The following MAP4 variants were observed in gnomAD, a reference collection of about 807,000 sequenced individuals.
The protein encoded by MAP4 is microtubule-associated protein 4.
In MAP4, 76 loss-of-function variants were observed where a neutral mutation model predicts 170.2. The ratio of observed to expected loss-of-function variants is 0.45; its 90% confidence interval spans 0.37 to 0.54. The LOEUF (loss-of-function observed/expected upper bound fraction) is 0.54. Among genes scored for constraint, MAP4 ranks in the 20% least tolerant of loss-of-function variants. MAP4 has a pLI of 0.00. For synonymous variants in MAP4, 909 were observed against 994.5 expected (o/e 0.91, Z 1.62); for missense variants, 2,506 against 2,748.0 (o/e 0.91, Z 1.97).
Position 48,005,531 on chromosome 3 carries a change from C to T in MAP4, c.-19-6652G>A, listed in dbSNP as rs568696551. On this transcript the variant is annotated intron_variant, in intron 1 of 20. Transcript: ENST00000683076. ...GGACTCTGCATTTAATGTTGCAGCTCGGGGAGTTAAAATAAGGTTCTAATA... is the reference window on the plus strand; with the variant it reads ...GGACTCTGCATTTAATGTTGCAGCTTGGGGAGTTAAAATAAGGTTCTAATA... 6.5e-4 allele frequency among the ~76,000 whole-genome samples: 99 copies of T among 152,046 alleles called. 1 individual carries two copies. Among genetic ancestry groups the T allele is most frequent in the Non-Finnish European group, 1.2e-3 (80 of 67,988 alleles).
In MAP4 at chr3:47,852,625, C is replaced by T; in HGVS notation, c.*309G>A. On this transcript the variant is annotated 3_prime_UTR_variant, in exon 21 of 21. Coordinates refer to ENST00000683076, the MANE Select transcript of MAP4 (RefSeq NM_001385682.1). The stretch of plus-strand genomic sequence containing the variant: ...ACCCCAACCCCCTCCCAACCTCCTC[C>T]ACGGAGCAGTGGCGCAGTGATGGGG... 2 of 955,230 alleles carry T rather than the reference C, an allele frequency of 2.1e-6. No homozygotes were observed. Among genetic ancestry groups the T allele is most frequent in the Non-Finnish European group, 1.5e-6 (1 of 665,886 alleles). 59.2% of individuals were successfully genotyped at this position (955,230 alleles called of 1,614,324 possible).
At chr3:47,941,031 C>T (rs1027671013) in intron 3 of MAP4, among the ~76,000 whole-genome samples, 2 of 151,820 alleles carry the variant, frequency 1.3e-5, no homozygotes, top group African/African-American at 4.8e-5. Context: ...GCAGCCACCA[C>T]CACACTTGGC....
At chr3:48,000,221 C>CAAAAAAAAA (rs530513032) in intron 1 of MAP4, among the ~76,000 whole-genome samples, 1 of 79,896 alleles carries the variant, frequency 1.3e-5, no homozygotes, top group African/African-American at 6.0e-5. Context: ...ACTCCCCCAT[C>CAAAAAAAAA]AAAAAAAAAA....
chr3:48,085,634 C>T (rs1411537867), intron 1 of MAP4, among the ~76,000 whole-genome samples: 1 of 152,120 alleles, frequency 6.6e-6, no homozygotes, highest in African/African-American at 2.4e-5. Context: ...ATTAAAATAC[C>T]CGTAAGGCCA....
At chr3:48,078,311 A>ATTT (rs758589017) in intron 1 of MAP4, among the ~76,000 whole-genome samples, 4 of 125,234 alleles carry the variant, frequency 3.2e-5, no homozygotes, top group Non-Finnish European at 5.0e-5. Context: ...TGCCTGGCTA[A>ATTT]TTTTTTTTTT....
intron 3 of MAP4, among the ~76,000 whole-genome samples, chr3:47,934,475 T>C (rs1370830462): frequency 2.0e-5 from 3 of 152,176 alleles, no homozygotes; most frequent in Non-Finnish European, 2.9e-5. Flanking sequence ...CTAATTATTG[T>C]ATTTTTGGTA....
intron 1 of MAP4, among the ~76,000 whole-genome samples, chr3:48,064,887 T>C (rs2100137614): frequency 6.6e-6 from 1 of 152,032 alleles, no homozygotes; most frequent in African/African-American, 2.4e-5. Flanking sequence ...ACAGAAAAAC[T>C]AAGGTGTTAT....
At chr3:47,939,811 A>C (rs2100055176) in intron 3 of MAP4, among the ~76,000 whole-genome samples, 1 of 151,934 alleles carries the variant, frequency 6.6e-6, no homozygotes. Flanking sequence ...AGGAGCATGA[A>C]AGTCTGTTTT....
rs781203403 is a variant in MAP4, at chr3:48,033,692, C to T, written c.-19-34813G>A. On this transcript the variant is annotated intron_variant, in intron 1 of 18. Coordinates refer to the MAP4 transcript ENST00000360240. ...CTCAGCTCACTGCAACCTCCGCCTC[C>T]GAGGTTCAAGTGATTCTCCTGCCTC... 7.9e-5 allele frequency among the ~76,000 whole-genome samples: 12 copies of T among 152,086 alleles called. No homozygotes were observed. The South Asian group carries it at 8.3e-4, about 11-fold the overall frequency.
At chr3:47,941,704 T>G (rs775435081) in intron 3 of MAP4, among the ~76,000 whole-genome samples, 2 of 151,540 alleles carry the variant, frequency 1.3e-5, no homozygotes, top group Non-Finnish European at 2.9e-5. Context: ...GGAGGACTGT[T>G]TGAACCCGGG....
chr3:48,022,596 A>T (rs1036676819), intron 1 of MAP4, among the ~76,000 whole-genome samples: 1 of 152,142 alleles, frequency 6.6e-6, no homozygotes, highest in Admixed American at 6.5e-5. Context: ...CACACAATTT[A>T]AAAAAAATTA....
At chr3:47,915,890 T>TA (rs2100038487) in intron 7 of MAP4, 61 bp downstream of exon 7, 4 of 1,532,386 alleles carry the variant, frequency 2.6e-6, no homozygotes, top group Non-Finnish European at 3.5e-6. Context: ...TGTTTGTCCT[T>TA]AGTCTTCTCG....
At chr3:47,963,180 G>A (rs1045644755) in intron 3 of MAP4, among the ~76,000 whole-genome samples, 1 of 152,166 alleles carries the variant, frequency 6.6e-6, no homozygotes, top group Non-Finnish European at 1.5e-5. Flanking sequence ...AGTTACATCC[G>A]ATTAAAATAC....
At chr3:47,864,602 G>A (rs1405635400) in intron 17 of MAP4, among the ~76,000 whole-genome samples, 3 of 152,170 alleles carry the variant, frequency 2.0e-5, no homozygotes, top group Non-Finnish European at 2.9e-5. Context: ...GCATCAATCC[G>A]GGAGGCGGAG....
chr3:47,887,899 CCT>C (rs2097879323), intron 10 of MAP4, among the ~76,000 whole-genome samples: 1 of 151,688 alleles, frequency 6.6e-6, no homozygotes, highest in African/African-American at 2.4e-5. Flanking sequence ...CAATCAGCAC[CCT>C]GTGTTTAGCT....
At chr3:47,917,701 TGGA>T (rs938141566) in intron 6 of MAP4, among the ~76,000 whole-genome samples, 1 of 151,472 alleles carries the variant, frequency 6.6e-6, no homozygotes. Flanking sequence ...GGACAAGTAG[TGGA>T]GGAGAAATGG....
At chr3:48,064,102 C>T (rs1265194421) in intron 1 of MAP4, among the ~76,000 whole-genome samples, 7 of 152,150 alleles carry the variant, frequency 4.6e-5, no homozygotes, top group Admixed American at 2.0e-4. Context: ...AACAAACCCC[C>T]TTCCTGGCTG....
intron 10 of MAP4, among the ~76,000 whole-genome samples, chr3:47,890,214 G>A (rs568444530): frequency 2.4e-4 from 37 of 152,262 alleles, no homozygotes; most frequent in African/African-American, 8.4e-4. Context: ...AATAAGAGCT[G>A]TGGGGGGATG....
chr3:48,038,517 G>A (rs2100120003), intron 1 of MAP4, among the ~76,000 whole-genome samples: 1 of 141,230 alleles, frequency 7.1e-6, no homozygotes, highest in Non-Finnish European at 1.5e-5. Flanking sequence ...CTGGAGTGCA[G>A]TGGCACGATC....
Sources: gnomAD v4.1 joint callset for allele counts (sites outside exome capture counted in the v4.1 genomes callset) on GRCh38, gnomAD v4.1.1 for gene constraint, MANE v1.5 for transcripts, NCBI Gene and HGNC (gene_info 2026-07-23, HGNC 2026-07-21) for gene names.